ERBIN: variants seen among roughly 807,000 people sequenced by gnomAD.
ERBIN encodes erbb2 interacting protein.
Under a neutral mutation model 158.4 loss-of-function variants are expected in ERBIN, and 60 were observed. The ratio of observed to expected loss-of-function variants is 0.38; its 90% confidence interval spans 0.31 to 0.47. The LOEUF (loss-of-function observed/expected upper bound fraction) is 0.47. Among genes scored for constraint, ERBIN ranks in the 20% least tolerant of loss-of-function variants. The pLI, the probability that ERBIN is intolerant of heterozygous loss-of-function variation, is 0.99. For synonymous variants in ERBIN, 594 were observed against 557.2 expected (o/e 1.07, Z -0.93); for missense variants, 1,610 against 1,648.0 (o/e 0.98, Z 0.40).
In ERBIN at chr5:66,072,239, A is replaced by C. The variant is rs201900105; in HGVS notation, c.3704A>C (p.Tyr1235Ser). The change falls in exon 22 of 26, where the codon TAC (tyrosine) becomes TCC (serine). Residue 1235 changes from tyrosine to serine, a missense_variant. Tyr to Ser is a moderately radical substitution (Grantham distance 144). Coordinates refer to ENST00000284037, the MANE Select transcript of ERBIN (RefSeq NM_001253697.2). ...DGIFISGQQNYSSATLSHKDV... is the reference protein window; with the variant it reads ...DGIFISGQQNSSSATLSHKDV... ...ATATTCATTTCAGGACAGCAGAACT[A>C]CTCATCAGCCACACTTAGTCACAAA... 5.2e-6 allele frequency: 8 copies of C among 1,550,352 alleles called. No homozygotes were observed.
At chr5:66,019,178 C>T (rs576898736) in intron 7 of ERBIN, among the ~76,000 whole-genome samples, 2 of 152,170 alleles carry the variant, frequency 1.3e-5, no homozygotes, top group Non-Finnish European at 2.9e-5. Context: ...AATTTGGATG[C>T]TCTTTATTTC....
At chr5:66,069,023 G>A (rs767077971) in intron 21 of ERBIN, 4 of 1,532,006 alleles carry the variant, frequency 2.6e-6, no homozygotes, top group South Asian at 1.2e-5. Flanking sequence ...TTTTTCGAGT[G>A]AGTACCTACA....
chr5:65,985,331 C>G (rs1445643186), intron 1 of ERBIN, among the ~76,000 whole-genome samples: 1 of 152,204 alleles, frequency 6.6e-6, no homozygotes, highest in East Asian at 1.9e-4. Context: ...ACCTTGTGAT[C>G]CACCTACTTC....
chr5:65,956,866 A>G (rs1747205089), intron 1 of ERBIN, among the ~76,000 whole-genome samples: 1 of 151,944 alleles, frequency 6.6e-6, no homozygotes, highest in African/African-American at 2.4e-5. Flanking sequence ...ACATTGTTGT[A>G]TCACCAGTGA....
chr5:65,985,581 A>C (rs1287049771), intron 1 of ERBIN, among the ~76,000 whole-genome samples: 3 of 152,222 alleles, frequency 2.0e-5, no homozygotes, highest in African/African-American at 4.8e-5. Flanking sequence ...GGCAAAGTTT[A>C]CTAGGGCAGT....
intron 10 of ERBIN, among the ~76,000 whole-genome samples, chr5:66,024,966 T>C (rs1439941939): frequency 6.6e-6 from 1 of 152,118 alleles, no homozygotes; most frequent in African/African-American, 2.4e-5. Flanking sequence ...TTAAATCACG[T>C]AGTGGTTTTA....
At chr5:65,953,046 T>TG (rs1285694872) in intron 1 of ERBIN, among the ~76,000 whole-genome samples, 1 of 152,260 alleles carries the variant, frequency 6.6e-6, no homozygotes, top group Non-Finnish European at 1.5e-5. Flanking sequence ...TCAGACTTGT[T>TG]GGAGTTTCTT....
chr5:66,016,845 C>T (rs937386533), intron 7 of ERBIN, among the ~76,000 whole-genome samples: 5 of 152,212 alleles, frequency 3.3e-5, no homozygotes, highest in African/African-American at 9.6e-5. Context: ...GAACTCCTGG[C>T]CTCAAATGAC....
At chr5:66,026,250 G>T in intron 12 of ERBIN, 52 bp from the exon 13 acceptor site, 2 of 1,154,616 alleles carry the variant, frequency 1.7e-6, no homozygotes, top group South Asian at 1.6e-5. Context: ...TTTATATGTT[G>T]ATCAACCTGT....
At chr5:65,942,782 G>T (rs1357819663) in intron 1 of ERBIN, among the ~76,000 whole-genome samples, 2 of 152,032 alleles carry the variant, frequency 1.3e-5, no homozygotes. Flanking sequence ...AAAATTAGCC[G>T]GGTGTGGTTG....
chr5:65,956,847 T>G (rs555634089), intron 1 of ERBIN, among the ~76,000 whole-genome samples: 1 of 152,146 alleles, frequency 6.6e-6, no homozygotes, highest in Admixed American at 6.5e-5. Flanking sequence ...ATAATTCCAC[T>G]TGAAGATGAC....
chr5:65,961,798 G>A (rs1747956628), intron 1 of ERBIN, among the ~76,000 whole-genome samples: 1 of 151,974 alleles, frequency 6.6e-6, no homozygotes, highest in African/African-American at 2.4e-5. Context: ...GGTATCTTTG[G>A]TGGGGAGGGT....
intron 25 of ERBIN, among the ~76,000 whole-genome samples, chr5:66,077,661 C>A (rs986306372): frequency 1.3e-5 from 2 of 151,870 alleles, no homozygotes; most frequent in Non-Finnish European, 2.9e-5. Context: ...ACAACAAACA[C>A]CAGTATTACA....
intron 21 of ERBIN, among the ~76,000 whole-genome samples, chr5:66,070,105 C>T (rs536260523): frequency 4.1e-4 from 62 of 152,012 alleles, no homozygotes; most frequent in African/African-American, 1.5e-3. Flanking sequence ...AGTGCAATGG[C>T]GCGATCTCAG....
At chr5:65,955,344 G>C (rs1268862031) in intron 1 of ERBIN, among the ~76,000 whole-genome samples, 1 of 151,986 alleles carries the variant, frequency 6.6e-6, no homozygotes, top group Non-Finnish European at 1.5e-5. Context: ...AATCAACTCT[G>C]AGGGGCCGGG....
chr5:65,942,705 A>G (rs1321442596), intron 1 of ERBIN, among the ~76,000 whole-genome samples: 1 of 152,178 alleles, frequency 6.6e-6, no homozygotes, highest in African/African-American at 2.4e-5. Context: ...CAGGCGGATC[A>G]CTTGAGGTCA....
At chr5:66,063,759 A>G (rs1456471269) in intron 21 of ERBIN, among the ~76,000 whole-genome samples, 2 of 152,202 alleles carry the variant, frequency 1.3e-5, no homozygotes, top group African/African-American at 4.8e-5. Context: ...ATTTGTTTTA[A>G]ATACCTATTT....
At chr5:65,988,162 G>A (rs1751467906) in intron 1 of ERBIN, among the ~76,000 whole-genome samples, 1 of 152,166 alleles carries the variant, frequency 6.6e-6, no homozygotes, top group Admixed American at 6.5e-5. Context: ...CTTAAGGCCA[G>A]GAGTTCAAGA....
In ERBIN at chr5:66,053,470, G is replaced by C. The variant is rs201552740; in HGVS notation, c.2152G>C (p.Glu718Gln). 68 of 1,597,134 alleles carry C rather than the reference G, an allele frequency of 4.3e-5. No homozygotes were observed. In the African/African-American group the frequency reaches 8.7e-4, roughly 20 times the overall value. ...NGDILNSSTE[E>Q]KFKAHDKKDF... is the part of the protein sequence containing the mutation. ...AGATATTTTAAACAGTTCAACAGAG[G>C]AAAAGTTCAAAGCTCATGATAAAAA... The change falls in exon 21 of 26, where the codon GAA (glutamate) becomes CAA (glutamine). Residue 718 changes from glutamate (E) to glutamine (Q), a missense_variant. Physicochemically the swap from Glu to Gln is conservative, Grantham distance 29 (BLOSUM62 2). Transcript: ENST00000284037.
Sources: allele counts gnomAD v4.1 joint callset (sites outside exome capture counted in the v4.1 genomes callset), GRCh38; gene constraint gnomAD v4.1.1; transcripts MANE v1.5; gene names NCBI Gene and HGNC (gene_info 2026-07-23, HGNC 2026-07-21).